PDE4D: variants seen among roughly 807,000 people sequenced by gnomAD.
PDE4D encodes the protein 3',5'-cyclic-AMP phosphodiesterase 4D.
PDE4D carries 24 observed loss-of-function variants against 87.4 expected under a neutral mutation model. The observed-to-expected ratio is 0.27, with a 90% CI of 0.20 to 0.39. The LOEUF is 0.39. Ranked by LOEUF, PDE4D falls within the 10% of genes least tolerant of loss-of-function variation. The pLI is 1.00. For synonymous variants in PDE4D, 384 were observed against 383.2 expected, an observed-to-expected ratio of 1.00 and a Z score of -0.02; for missense variants, 714 against 1,041.0, an observed-to-expected ratio of 0.69 and a Z score of 4.32.
chr5:59,577,611 A>C (rs1015722951), intron 1 of PDE4D, among the ~76,000 whole-genome samples: 2 of 152,176 alleles, frequency 1.3e-5, no homozygotes, highest in Admixed American at 1.3e-4. Flanking sequence ...GTTCCCTGAC[A>C]AGTGACTAAG....
chr5:59,269,862 A>C (rs1341546764), intron 1 of PDE4D, among the ~76,000 whole-genome samples: 2 of 152,086 alleles, frequency 1.3e-5, no homozygotes, highest in Non-Finnish European at 2.9e-5. Context: ...CTCACATTTC[A>C]TTAATAAAAA....
Position 59,054,644 on chromosome 5 carries a change from A to G in PDE4D, c.809-15673T>C, listed in dbSNP as rs559493310. 3.6e-3 allele frequency among the ~76,000 whole-genome samples: 553 copies of G among 152,158 alleles called. 1 individual carries two copies. Among genetic ancestry groups the G allele is most frequent in the Admixed American group, 7.3e-3 (112 of 15,286 alleles). On this transcript the variant is annotated intron_variant, in intron 5 of 14. Coordinates refer to ENST00000340635, the MANE Select transcript of PDE4D (RefSeq NM_001104631.2). ...GGAAATGTATATATAGGAACAGTATATACCATACACATAAGAGTAAATATA... is the reference window on the plus strand; with the variant it reads ...GGAAATGTATATATAGGAACAGTATGTACCATACACATAAGAGTAAATATA...
intron 3 of PDE4D, among the ~76,000 whole-genome samples, chr5:59,971,894 A>C (rs1760810845): frequency 6.6e-6 from 1 of 152,194 alleles, no homozygotes; most frequent in South Asian, 2.1e-4. Flanking sequence ...GAATCCATCA[A>C]AAGAATATAG....
At chr5:60,501,022 T>C (rs1036490088) in intron 1 of PDE4D, among the ~76,000 whole-genome samples, 2 of 152,110 alleles carry the variant, frequency 1.3e-5, no homozygotes, top group Non-Finnish European at 2.9e-5. Context: ...TATTAAACTT[T>C]AAGTTTTAGG....
chr5:60,164,843 T>C (rs1296747051), intron 2 of PDE4D, among the ~76,000 whole-genome samples: 4 of 152,196 alleles, frequency 2.6e-5, no homozygotes, highest in Admixed American at 2.6e-4. Flanking sequence ...GTGGAATAGT[T>C]AAATCTAGCT....
At chr5:60,176,516 G>A (rs1170113368) in intron 2 of PDE4D, among the ~76,000 whole-genome samples, 2 of 152,114 alleles carry the variant, frequency 1.3e-5, no homozygotes, top group Non-Finnish European at 2.9e-5. Context: ...TATTTACTGT[G>A]AGTTATAGAA....
chr5:60,050,501 C>A (rs1769994054), intron 2 of PDE4D, among the ~76,000 whole-genome samples: 1 of 152,134 alleles, frequency 6.6e-6, no homozygotes, highest in Admixed American at 6.5e-5. Context: ...ATTTTGTCAC[C>A]ACCAGGCCTG....
At chr5:59,254,329 CT>C (rs1760547066) in intron 1 of PDE4D, among the ~76,000 whole-genome samples, 1 of 152,032 alleles carries the variant, frequency 6.6e-6, no homozygotes, top group Non-Finnish European at 1.5e-5. Context: ...TCCTATTTTG[CT>C]TTTGATGTGG....
intron 1 of PDE4D, among the ~76,000 whole-genome samples, chr5:60,297,469 T>C (rs1056643605): frequency 6.6e-6 from 1 of 152,180 alleles, no homozygotes; most frequent in Non-Finnish European, 1.5e-5. Context: ...GAAATAAGCA[T>C]TTACATGGAA....
At chr5:59,557,247 T>C (rs1427569501) in intron 1 of PDE4D, among the ~76,000 whole-genome samples, 1 of 152,180 alleles carries the variant, frequency 6.6e-6, no homozygotes, top group East Asian at 1.9e-4. Flanking sequence ...AGGCCATTTA[T>C]ATCATTTTAA....
intron 1 of PDE4D, chr5:60,188,349 C>G (rs1784942471): frequency 6.6e-6 from 1 of 152,098 alleles, no homozygotes; most frequent in African/African-American, 2.4e-5. Context: ...TTGCCCATAC[C>G]TAGGAAAAAG....
intron 1 of PDE4D, among the ~76,000 whole-genome samples, chr5:60,476,943 A>G (rs919044427): frequency 6.6e-6 from 1 of 152,148 alleles, no homozygotes; most frequent in African/African-American, 2.4e-5. Context: ...CATTTTGTCT[A>G]CTTTTACACT....
chr5:59,257,999 C>T (rs1425322080), intron 1 of PDE4D, among the ~76,000 whole-genome samples: 2 of 151,936 alleles, frequency 1.3e-5, no homozygotes, highest in Non-Finnish European at 2.9e-5. Flanking sequence ...CATCATTTCA[C>T]GTTGTCCAAC....
intron 5 of PDE4D, among the ~76,000 whole-genome samples, chr5:59,141,274 C>G (rs560405372): frequency 6.6e-6 from 1 of 152,246 alleles, no homozygotes; most frequent in East Asian, 1.9e-4. Flanking sequence ...GTAGCCAAAC[C>G]TACTTGCCCA....
chr5:60,293,139 G>GA (rs776553383), intron 1 of PDE4D, among the ~76,000 whole-genome samples: 145 of 149,006 alleles, frequency 9.7e-4, no homozygotes, highest in African/African-American at 3.2e-3. Flanking sequence ...CCCCTTATCA[G>GA]AAAAAAAAAT....
chr5:59,566,646 A>G (rs1304294355), intron 1 of PDE4D, among the ~76,000 whole-genome samples: 1 of 151,926 alleles, frequency 6.6e-6, no homozygotes, highest in Non-Finnish European at 1.5e-5. Flanking sequence ...AGTTAATCAT[A>G]AACTCCATAG....
At chr5:59,611,028 T>C (rs1218089048) in intron 1 of PDE4D, among the ~76,000 whole-genome samples, 1 of 152,166 alleles carries the variant, frequency 6.6e-6, no homozygotes, top group Non-Finnish European at 1.5e-5. Context: ...AAATACATCA[T>C]GGATTCGTAC....
At position 58,996,215 on chromosome 5, in the gene PDE4D, A is replaced by G. The variant is rs190098988; in HGVS notation, c.922-2750T>C. 9.7e-4 allele frequency among the ~76,000 whole-genome samples: 148 copies of G among 152,296 alleles called. 2 individuals carry two copies. Among genetic ancestry groups the G allele is most frequent in the African/African-American group, 3.2e-3 (134 of 41,572 alleles). On this transcript the variant is annotated intron_variant, in intron 6 of 14. Coordinates refer to ENST00000340635, the MANE Select transcript of PDE4D (RefSeq NM_001104631.2). The stretch of plus-strand genomic sequence containing the variant: ...AGGTTGATGGGTGCAGCAAACGACC[A>G]TGGCATGTATATACCTATGTAACAA...
intron 1 of PDE4D, among the ~76,000 whole-genome samples, chr5:60,440,836 G>A (rs904487260): frequency 8.6e-5 from 13 of 151,894 alleles, no homozygotes; most frequent in African/African-American, 2.9e-4. Flanking sequence ...ATTTTTCACC[G>A]AGGCAACTAA....
Sources: gnomAD v4.1 joint callset for allele counts (sites outside exome capture counted in the v4.1 genomes callset) on GRCh38, gnomAD v4.1.1 for gene constraint, MANE v1.5 for transcripts, NCBI Gene and HGNC (gene_info 2026-07-23, HGNC 2026-07-21) for gene names.